COQ5: variants seen among roughly 807,000 people sequenced by gnomAD.
COQ5 encodes the protein coenzyme Q5, methyltransferase.
A neutral mutation model predicts 40.5 loss-of-function variants in COQ5; 27 were observed. The ratio of observed to expected loss-of-function variants is 0.67; its 90% CI spans 0.49 to 0.92. The LOEUF (loss-of-function observed/expected upper bound fraction) is 0.92, where lower values mean the gene tolerates loss of function less well. COQ5 is among the 40% of genes least tolerant of loss of function. The probability of loss-of-function intolerance (pLI) is 0.00; values close to 1 mark genes in which losing one functional copy is unlikely to be tolerated. For synonymous variants in COQ5, 141 were observed against 150.0 expected (o/e 0.94, Z 0.44); for missense variants, 409 against 406.4 (o/e 1.01, Z -0.06).
chr12:120,503,497 G>A lies in COQ5; in HGVS notation c.*287C>T, dbSNP rs1359162179. Reference sequence around the variant, plus strand: ...CACTCACTTCAAAACTGAGCTTTAGGGGTGGTTGTACCTTAACCACACACC... The same window carrying A: ...CACTCACTTCAAAACTGAGCTTTAGAGGTGGTTGTACCTTAACCACACACC... On this transcript the variant is annotated 3_prime_UTR_variant, in exon 7 of 7. Coordinates refer to ENST00000288532, the MANE Select transcript of COQ5 (RefSeq NM_032314.4). 1.8e-6 allele frequency: 1 copy of A among 549,572 alleles called. No individual in the cohort carries two copies. Among genetic ancestry groups the A allele is most frequent in the African/African-American group, 1.9e-5 (1 of 53,476 alleles). 34.0% of individuals were successfully genotyped at this position (549,572 alleles called of 1,614,324 possible).
rs115659281 is a variant in COQ5 at position 120,518,858 on chromosome 12, G to A, written c.353-2070C>T. Among the ~76,000 whole-genome samples the A allele has an allele frequency of 5.6e-3, 857 of 152,254 alleles. 7 individuals are homozygous for A. The highest frequency in any genetic ancestry group is 0.019 in the African/African-American group (793 of 41,548). ...ATTACAGGCGTGAGCCAACGTGCTCGGCCATATATTTCAATATATTAATTA... is the reference window on the plus strand; with the variant it reads ...ATTACAGGCGTGAGCCAACGTGCTCAGCCATATATTTCAATATATTAATTA... On this transcript the variant is annotated intron_variant, in intron 2 of 6. Coordinates refer to ENST00000288532, the MANE Select transcript of COQ5 (RefSeq NM_032314.4).
At chr12:120,515,434 T>C (rs983745952) in intron 3 of COQ5, among the ~76,000 whole-genome samples, 2 of 152,328 alleles carry the variant, frequency 1.3e-5, no homozygotes, top group Middle Eastern at 3.4e-3. Context: ...ATTTTGAGCT[T>C]GCAGTAATCT....
At position 120,516,744 on chromosome 12, in the gene COQ5, G is replaced by T. The variant is rs1869392309; in HGVS notation, c.397C>A (p.Gln133Lys). 6 of 1,614,194 alleles carry T rather than the reference G, an allele frequency of 3.7e-6. No homozygotes were observed. The East Asian group carries it at 8.9e-5, about 24-fold the overall frequency. Residue 133 changes from glutamine to lysine, a missense_variant, in exon 3 of 7, where the codon CAG (glutamine) becomes AAG (lysine). Physicochemically the swap from Gln to Lys is moderately conservative, Grantham distance 53. Coordinates refer to ENST00000288532, the MANE Select transcript of COQ5 (RefSeq NM_032314.4). ...CTTAACTGCCTCTTCTGTTTTCTCT[G>T]ATGCTGGGACTGAACATAATTAAGG... Reference protein sequence around the residue: ...RFLNYVQSQHQRKQKRQLRAQ... With the variant: ...RFLNYVQSQHKRKQKRQLRAQ...
At chr12:120,514,578 T>C (rs540286032) in intron 3 of COQ5, among the ~76,000 whole-genome samples, 2 of 151,782 alleles carry the variant, frequency 1.3e-5, no homozygotes, top group African/African-American at 4.8e-5. Flanking sequence ...CCGTCTCTAC[T>C]AAAAATACAA....
In COQ5 at chr12:120,522,612, A is replaced by AG. The variant is rs921962067; in HGVS notation, c.203-250dup. 263 of 650,590 alleles carry AG rather than the reference A, an allele frequency of 4.0e-4. 1 individual carries two copies. The highest frequency in any genetic ancestry group is 3.9e-3 in the South Asian group (216 of 55,150). The allele number at this position is 650,590 out of a possible 1,614,324, so 40.3% of individuals were successfully genotyped here. A position where few individuals can be genotyped will look rare whatever the true frequency, so the allele number is the denominator to read the frequency against. On this transcript the variant is annotated intron_variant, in intron 1 of 6. Transcript: ENST00000288532. ...CCCAGCCCCATGCAGATGGCAGTCC[A>AG]GGGGGGTCACACCAGTCCTTCTGTC...
chr12:120,503,495 A>AG lies in COQ5; in HGVS notation c.*288dup, dbSNP rs778516111. The AG allele has an allele frequency of 2.4e-4, 133 of 546,006 alleles. No individual in the cohort carries two copies. The highest frequency in any genetic ancestry group is 3.6e-4 in the Non-Finnish European group (102 of 285,230). The allele number at this position is 546,006 out of a possible 1,614,324, so 33.8% of individuals were successfully genotyped here. A position where few individuals can be genotyped will look rare whatever the true frequency, so the allele number is the denominator to read the frequency against. ...TACACTCACTTCAAAACTGAGCTTT[A>AG]GGGGTGGTTGTACCTTAACCACACA... On this transcript the variant is annotated 3_prime_UTR_variant, in exon 7 of 7. Transcript: ENST00000288532.
intron 3 of COQ5, among the ~76,000 whole-genome samples, chr12:120,512,267 C>T (rs1010728400): frequency 6.6e-6 from 1 of 151,710 alleles, no homozygotes; most frequent in African/African-American, 2.4e-5. Flanking sequence ...TTTCTAATGA[C>T]TTGGAGAAAT....
intron 2 of COQ5, among the ~76,000 whole-genome samples, chr12:120,520,798 C>T (rs1364496581): frequency 6.6e-6 from 1 of 151,930 alleles, no homozygotes; most frequent in Non-Finnish European, 1.5e-5. Flanking sequence ...CACCAAGACG[C>T]ATTGTGTAAA....
intron 1 of COQ5, chr12:120,526,781 C>G (rs1869971656): frequency 5.9e-6 from 1 of 168,446 alleles, no homozygotes; most frequent in Non-Finnish European, 1.1e-5. Flanking sequence ...GTGGCAGGAT[C>G]TCGGCTCACT....
intron 1 of COQ5, among the ~76,000 whole-genome samples, chr12:120,528,189 C>A (rs965804799): frequency 2.2e-4 from 32 of 147,114 alleles, no homozygotes; most frequent in African/African-American, 7.4e-4. Context: ...GCAACAAGAG[C>A]GAAACTCCGT....
At chr12:120,526,342 A>C (rs1209175076) in intron 1 of COQ5, 2 of 378,294 alleles carry the variant, frequency 5.3e-6, no homozygotes, top group Middle Eastern at 3.6e-4. Context: ...GTGAAATTCA[A>C]ATTGAGTGTC....
chr12:120,507,339 C>G (rs183608434), intron 4 of COQ5, among the ~76,000 whole-genome samples: 2,841 of 150,358 alleles, frequency 0.019, 94 homozygotes, highest in African/African-American at 0.066. Flanking sequence ...GGCTGGAGTG[C>G]AGTGGTGTGA....
rs1385639643 is a variant in COQ5, at chr12:120,516,581, T to C, written c.560A>G (p.Gln187Arg). Reference sequence around the variant, plus strand: ...GCAGGACTCACCAGCTCTGTATCCTTGAGCCAAGGCTTTCTGCTTTCCAAC... The same window carrying C: ...GCAGGACTCACCAGCTCTGTATCCTCGAGCCAAGGCTTTCTGCTTTCCAAC... ...LKVGKQKALA[Q>R]GYRAGLAWVL... The change falls in exon 3 of 7, where the codon CAA (glutamine) becomes CGA (arginine). Residue 187 changes from glutamine to arginine, a missense_variant. Coordinates refer to ENST00000288532, the MANE Select transcript of COQ5 (RefSeq NM_032314.4). 1.2e-6 allele frequency: 2 copies of C among 1,613,934 alleles called. No homozygotes were observed. The highest frequency in any genetic ancestry group is 1.7e-6 in the Non-Finnish European group (2 of 1,179,814).
At position 120,509,954 on chromosome 12, in the gene COQ5, G is replaced by C. The variant is rs1039485511; in HGVS notation, c.681+63C>G. 14 of 1,287,228 alleles carry C rather than the reference G, an allele frequency of 1.1e-5. No individual in the cohort carries two copies. The African/African-American group carries it at 2.0e-4, about 19-fold the overall frequency. The allele number at this position is 1,287,228 out of a possible 1,614,324, so 79.7% of individuals were successfully genotyped here. Reference sequence around the variant, plus strand: ...AACTCTCCTTCTTTCCTCACTCACTGTAGCTCTACAACAGAGGTAATTTCC... The same window carrying C: ...AACTCTCCTTCTTTCCTCACTCACTCTAGCTCTACAACAGAGGTAATTTCC... On this transcript the variant is annotated intron_variant, in intron 4 of 6. Transcript: ENST00000288532.
intron 1 of COQ5, among the ~76,000 whole-genome samples, chr12:120,526,738 A>C (rs1593027524): frequency 3.7e-5 from 2 of 53,362 alleles, no homozygotes. Flanking sequence ...TTTTTGAGAC[A>C]GAGTCTTGCT....
At chr12:120,504,581 C>A in intron 5 of COQ5, 1 of 326,582 alleles carries the variant, frequency 3.1e-6, no homozygotes, top group Non-Finnish European at 5.8e-6. Flanking sequence ...TTAAGCCAGT[C>A]AAATTTATCA....
At position 120,525,818 on chromosome 12, in the gene COQ5, G is replaced by A. The variant is rs191933577; in HGVS notation, c.202+3122C>T. On this transcript the variant is annotated intron_variant, in intron 1 of 6. Coordinates refer to ENST00000288532, the MANE Select transcript of COQ5 (RefSeq NM_032314.4). ...TGGGCGCCTGTAGTCCCAGCTACTC[G>A]GGAGGCTGAGGCAGGAGAATGGCAT... 4.6e-3 allele frequency among the ~76,000 whole-genome samples: 693 copies of A among 152,142 alleles called. 8 individuals carry two copies. Among genetic ancestry groups the A allele is most frequent in the African/African-American group, 0.016 (663 of 41,516 alleles).
At chr12:120,512,111 G>A (rs1869162817) in intron 3 of COQ5, among the ~76,000 whole-genome samples, 1 of 152,158 alleles carries the variant, frequency 6.6e-6, no homozygotes, top group Non-Finnish European at 1.5e-5. Flanking sequence ...TCAGGAGGCT[G>A]AGGCAGGAGA....
At position 120,522,935 on chromosome 12, in the gene COQ5, A is replaced by G. The variant is rs1869743668; in HGVS notation, c.203-572T>C. 4.7e-6 allele frequency: 3 copies of G among 642,568 alleles called. No homozygotes were observed. In the African/African-American group the frequency reaches 5.5e-5, roughly 12 times the overall value. 39.8% of individuals were successfully genotyped at this position (642,568 alleles called of 1,614,324 possible). A position where few individuals can be genotyped will look rare whatever the true frequency, so the allele number is the denominator to read the frequency against. ...CAGCACGTGCACTCGTGGCCCTGGCACTGTTGGCCTGCATCTTTTTTAGGC... is the reference window on the plus strand; with the variant it reads ...CAGCACGTGCACTCGTGGCCCTGGCGCTGTTGGCCTGCATCTTTTTTAGGC... On this transcript the variant is annotated intron_variant, in intron 1 of 6. Transcript: ENST00000288532.
Sources: allele counts gnomAD v4.1 joint callset (sites outside exome capture counted in the v4.1 genomes callset), GRCh38; gene constraint gnomAD v4.1.1; transcripts MANE v1.5; gene names NCBI Gene and HGNC (gene_info 2026-07-23, HGNC 2026-07-21).